IGSF3: variants seen among roughly 807,000 people sequenced by gnomAD.
IGSF3 encodes the protein immunoglobulin superfamily member 3.
A neutral mutation model predicts 114.4 loss-of-function variants in IGSF3; 23 were observed. The observed-to-expected ratio is 0.20, with a 90% CI of 0.14 to 0.28. IGSF3 has a LOEUF of 0.28. IGSF3 is among the 10% of genes least tolerant of loss of function. IGSF3 has a pLI of 1.00. For synonymous variants in IGSF3, 571 were observed against 645.2 expected, an observed-to-expected ratio of 0.88 and a Z score of 1.74; for missense variants, 1,172 against 1,591.5, an observed-to-expected ratio of 0.74 and a Z score of 4.48.
chr1:116,638,677 GGAAAA>G lies in IGSF3; in HGVS notation c.44-22225_44-22221del, dbSNP rs1180315565. On this transcript the variant is annotated intron_variant, in intron 2 of 10. Coordinates refer to ENST00000369486, the MANE Select transcript of IGSF3 (RefSeq NM_001007237.3). The surrounding 1 kb of genome is among the most constrained non-coding windows in gnomAD (Gnocchi z 4.1). ...TGTGTTGGTGAGCTAAAAACAAGAT[GGAAAA>G]GAAAAGAGAAGAGGAAGAGAGAAAA... is the stretch of plus-strand genomic sequence containing the variant. 1.3e-5 allele frequency among the ~76,000 whole-genome samples: 2 copies of G among 152,040 alleles called. No homozygotes were observed. Among genetic ancestry groups the G allele is most frequent in the Non-Finnish European group, 2.9e-5 (2 of 68,020 alleles).
At chr1:116,631,448 G>C (rs1223010836) in intron 2 of IGSF3, among the ~76,000 whole-genome samples, 1 of 152,194 alleles carries the variant, frequency 6.6e-6, no homozygotes, top group East Asian at 1.9e-4. Context: ...AGAAGTGATG[G>C]GAAAGGGGCC....
At chr1:116,587,345 T>C (rs1056038519) in intron 8 of IGSF3, among the ~76,000 whole-genome samples, 1 of 152,174 alleles carries the variant, frequency 6.6e-6, no homozygotes, top group Admixed American at 6.5e-5. Context: ...TGGTGATATG[T>C]GTTGTGAAAG....
rs1660207670 is a variant in IGSF3, at chr1:116,593,456, C to T, written c.2030-4352G>A. Among the ~76,000 whole-genome samples the T allele has an allele frequency of 6.6e-6, 1 of 152,186 alleles. No homozygotes were observed. Among genetic ancestry groups the T allele is most frequent in the South Asian group, 2.1e-4 (1 of 4,828 alleles). ...TGCTAGAGATAGAGGCGGCCAGTGG[C>T]TGCGGCAGGAGATGTTTCAAGTGGA... On this transcript the variant is annotated intron_variant, in intron 7 of 10. Transcript: ENST00000369486. This position sits in a 1 kb window ranked among gnomAD's most constrained non-coding sequence, Gnocchi z 4.5.
chr1:116,614,678 AT>A lies in IGSF3; in HGVS notation c.422-504del, dbSNP rs1047999020. On this transcript the variant is annotated intron_variant, in intron 3 of 10. Transcript: ENST00000369486. The surrounding 1 kb of genome is among the most constrained non-coding windows in gnomAD (Gnocchi z 4.5). ...TCAGCAATGCAGCCCTAGGAAGATG[AT>A]TTTTTTAAAAAACCATTTTTGGTAG... 6.6e-6 allele frequency among the ~76,000 whole-genome samples: 1 copy of A among 152,106 alleles called. No individual in the cohort carries two copies.
chr1:116,647,963 G>A lies in IGSF3; in HGVS notation c.43+18321C>T, dbSNP rs780020164. ...TACTACAAATACAAAAATTAGCTGGGTGTGATGGCACACGCCTGTAATCCT... is the reference window on the plus strand; with the variant it reads ...TACTACAAATACAAAAATTAGCTGGATGTGATGGCACACGCCTGTAATCCT... On this transcript the variant is annotated intron_variant, in intron 2 of 10. Transcript: ENST00000369486. This position sits in a 1 kb window ranked among gnomAD's most constrained non-coding sequence, Gnocchi z 4.6. Among the ~76,000 whole-genome samples the A allele has an allele frequency of 6.6e-5, 10 of 152,184 alleles. No homozygotes were observed. The highest frequency in any genetic ancestry group is 1.5e-4 in the Non-Finnish European group (10 of 68,032).
Position 116,627,770 on chromosome 1 carries a change from C to T in IGSF3, c.44-11313G>A, listed in dbSNP as rs2101034856. Among the ~76,000 whole-genome samples the T allele has an allele frequency of 6.6e-6, 1 of 152,306 alleles. No individual in the cohort carries two copies. The highest frequency in any genetic ancestry group is 3.4e-3 in the Middle Eastern group (1 of 294). ...CCCATGATAAGTCAGTCTGCTGTGT[C>T]CTTCAACACAGTGTCCCCACCTTCT... On this transcript the variant is annotated intron_variant, in intron 2 of 10. Transcript: ENST00000369486. This position sits in a 1 kb window ranked among gnomAD's most constrained non-coding sequence, Gnocchi z 4.7.
At position 116,584,535 on chromosome 1, in the gene IGSF3, A is replaced by G; in HGVS notation, c.2848+110T>C. 8.9e-7 allele frequency: 1 copy of G among 1,121,828 alleles called. No homozygotes were observed. The highest frequency in any genetic ancestry group is 2.0e-5 in the Admixed American group (1 of 49,056). 69.5% of individuals were successfully genotyped at this position (1,121,828 alleles called of 1,614,324 possible). A position where few individuals can be genotyped will look rare whatever the true frequency, so the allele number is the denominator to read the frequency against. ...TGCATATACATGTAGACACTCATAT[A>G]TTTAACTGCAAATAATTTATTAATA... On this transcript the variant is annotated intron_variant, in intron 9 of 10. Transcript: ENST00000369486. This position sits in a 1 kb window ranked among gnomAD's most constrained non-coding sequence, Gnocchi z 5.8.
chr1:116,584,172 G>C lies in IGSF3; in HGVS notation c.2848+473C>G, dbSNP rs1427967012. 6.8e-6 allele frequency among the ~76,000 whole-genome samples: 1 copy of C among 147,738 alleles called. No homozygotes were observed. Among genetic ancestry groups the C allele is most frequent in the East Asian group, 1.9e-4 (1 of 5,190 alleles). On this transcript the variant is annotated intron_variant, in intron 9 of 10. Transcript: ENST00000369486. The surrounding 1 kb of genome is among the most constrained non-coding windows in gnomAD (Gnocchi z 5.8). ...CCACTGCACTCTGCACTCCAGCCTG[G>C]GTGACAGAGTGAGACTCCGTTTCAA...
intron 2 of IGSF3, among the ~76,000 whole-genome samples, chr1:116,660,342 CTG>C (rs997106629): frequency 1.3e-5 from 2 of 152,120 alleles, no homozygotes; most frequent in South Asian, 2.1e-4. Context: ...CTGCAGGAAA[CTG>C]TAGATAGAGA....
rs937738268 is a variant in IGSF3, at chr1:116,666,849, C to T, written c.-523G>A. 2.2e-5 allele frequency: 9 copies of T among 408,142 alleles called. No homozygotes were observed. The highest frequency in any genetic ancestry group is 1.1e-4 in the South Asian group (1 of 9,032). 25.3% of individuals were successfully genotyped at this position (408,142 alleles called of 1,614,324 possible). ...TCTTCACCAAAAAGTCCGTTTCCATCCATGGTGGTAGGTCACGGAGGCGCC... is the reference window on the plus strand; with the variant it reads ...TCTTCACCAAAAAGTCCGTTTCCATTCATGGTGGTAGGTCACGGAGGCGCC... On this transcript the variant is annotated 5_prime_UTR_variant, in exon 2 of 11. Transcript: ENST00000369486.
chr1:116,667,559 C>T (rs1352363891), intron 1 of IGSF3, 59 bp downstream of exon 1: 1 of 150,928 alleles, frequency 6.6e-6, no homozygotes, highest in Non-Finnish European at 1.5e-5. Context: ...CTCCACGCCT[C>T]CCCGCCTCCC....
At chr1:116,580,429 A>G (rs1659552938) in intron 9 of IGSF3, among the ~76,000 whole-genome samples, 1 of 152,206 alleles carries the variant, frequency 6.6e-6, no homozygotes, top group Admixed American at 6.5e-5. Flanking sequence ...TTCATAACCC[A>G]CGATGTGACT....
rs1660265526 is a variant in IGSF3 at position 116,594,685 on chromosome 1, C to A, written c.2029+5256G>T. On this transcript the variant is annotated intron_variant, in intron 7 of 10. Transcript: ENST00000369486. The surrounding 1 kb of genome is among the most constrained non-coding windows in gnomAD (Gnocchi z 5.2). ...CTTGCTTTTAGCTATTACATATGCC[C>A]ACCCTCACCCCATGCTCCCATGTAC... Among the ~76,000 whole-genome samples the A allele has an allele frequency of 6.6e-6, 1 of 152,154 alleles. No individual in the cohort carries two copies. The highest frequency in any genetic ancestry group is 1.5e-5 in the Non-Finnish European group (1 of 68,026).
chr1:116,603,594 G>C lies in IGSF3; in HGVS notation c.1624+30C>G. On this transcript the variant is annotated intron_variant, in intron 6 of 10. Transcript: ENST00000369486. This position sits in a 1 kb window ranked among gnomAD's most constrained non-coding sequence, Gnocchi z 7.1. ...TGACACTGAAGCTGTCTCCATGCCAGACCCACTGCCAGTCCCACCGCTCAC... is the reference window on the plus strand; with the variant it reads ...TGACACTGAAGCTGTCTCCATGCCACACCCACTGCCAGTCCCACCGCTCAC... 2 of 1,600,032 alleles carry C rather than the reference G, an allele frequency of 1.2e-6. No individual in the cohort carries two copies. The highest frequency in any genetic ancestry group is 8.5e-7 in the Non-Finnish European group (1 of 1,171,252).
Position 116,603,792 on chromosome 1 carries a change from T to A in IGSF3, c.1456A>T (p.Met486Leu). 1 of 1,614,002 alleles carries A rather than the reference T, an allele frequency of 6.2e-7. No individual in the cohort carries two copies. Among genetic ancestry groups the A allele is most frequent in the Non-Finnish European group, 8.5e-7 (1 of 1,179,872 alleles). The change falls in exon 6 of 11, where the codon ATG becomes TTG. Residue 486 changes from methionine to leucine, a missense_variant. Transcript: ENST00000369486. The surrounding 1 kb of genome is among the most constrained non-coding windows in gnomAD (Gnocchi z 7.1). ...WERSSFGGVQ[M>L]EQVQPNSFSL... ...AACGAGTTGGGCTGCACCTGCTCCA[T>A]CTGGACGCCCCCAAAGCTGCTGCGC...
At position 116,579,872 on chromosome 1, in the gene IGSF3, A is replaced by C. The variant is rs765102679; in HGVS notation, c.2854T>G (p.Ser952Ala). The change falls in exon 10 of 11, where the codon TCC becomes GCC. Residue 952 changes from serine to alanine, a missense_variant. By Grantham distance (99) the Ser-to-Ala change is moderately conservative. Around this residue, in one of 3 missense-constraint regions of IGSF3, gnomAD observed 423 missense variants for 509.8 expected, o/e 0.83. Transcript: ENST00000369486. This position sits in a 1 kb window ranked among gnomAD's most constrained non-coding sequence, Gnocchi z 6.4. The part of the protein sequence containing the change: ...TALTVMRPDA[S>A]LQVDTVVPNA... ...GGGACCACTGTGTCCACCTGCAGGG[A>C]AGCATCTGGGGAATGACAAGGGACA... is the stretch of plus-strand genomic sequence containing the variant. The C allele has an allele frequency of 1.2e-6, 2 of 1,600,744 alleles. No individual in the cohort carries two copies. The highest frequency in any genetic ancestry group is 3.4e-5 in the Admixed American group (2 of 59,462).
chr1:116,602,292 A>C (rs1660623385), intron 6 of IGSF3, among the ~76,000 whole-genome samples: 1 of 151,902 alleles, frequency 6.6e-6, no homozygotes, highest in Non-Finnish European at 1.5e-5. Flanking sequence ...GATAACATAA[A>C]TTACTTCTAG....
chr1:116,605,842 G>A lies in IGSF3; in HGVS notation c.1223-1817C>T, dbSNP rs149970056. Among the ~76,000 whole-genome samples, 3 of 152,280 alleles carry A rather than the reference G, an allele frequency of 2.0e-5. No individual in the cohort carries two copies. The highest frequency in any genetic ancestry group is 7.2e-5 in the African/African-American group (3 of 41,546). ...TATTAAGCAGAAGAATGACTTGCAG[G>A]ACCTCACTCTCATCCCCTACTGTCA... On this transcript the variant is annotated intron_variant, in intron 5 of 10. Transcript: ENST00000369486. The surrounding 1 kb of genome is among the most constrained non-coding windows in gnomAD (Gnocchi z 5.1).
chr1:116,593,384 A>C lies in IGSF3; in HGVS notation c.2030-4280T>G, dbSNP rs187858359. Among the ~76,000 whole-genome samples the C allele has an allele frequency of 9.0e-4, 137 of 152,356 alleles. No individual in the cohort carries two copies. The highest frequency in any genetic ancestry group is 3.2e-3 in the African/African-American group (134 of 41,584). On this transcript the variant is annotated intron_variant, in intron 7 of 10. Coordinates refer to ENST00000369486, the MANE Select transcript of IGSF3 (RefSeq NM_001007237.3). This position sits in a 1 kb window ranked among gnomAD's most constrained non-coding sequence, Gnocchi z 4.5. The stretch of plus-strand genomic sequence containing the variant: ...GAGTGGCACGTGCAAAGAGATGGGC[A>C]CTGAGGGAGGAAGACACTGCTCTTT...
Sources: allele counts gnomAD v4.1 joint callset (sites outside exome capture counted in the v4.1 genomes callset), GRCh38; gene constraint gnomAD v4.1.1; regional missense constraint gnomAD v4.1.1; non-coding constraint Gnocchi (gnomAD v3.1); transcripts MANE v1.5; gene names NCBI Gene and HGNC (gene_info 2026-07-23, HGNC 2026-07-21).